Variants in MYH15 observed in about 807,000 individuals in gnomAD.
MYH15 encodes the protein myosin-15.
In MYH15, 227 loss-of-function variants were observed where a neutral mutation model predicts 240.5. The ratio of observed to expected loss-of-function variants is 0.94; its 90% CI spans 0.85 to 1.05. The LOEUF is 1.05. MYH15 is among the 50% of genes least tolerant of loss of function. The probability of loss-of-function intolerance (pLI) is 0.00; values close to 1 mark genes in which losing one functional copy is unlikely to be tolerated. For synonymous variants in MYH15, 785 were observed against 796.7 expected (o/e 0.99, Z 0.25); for missense variants, 2,217 against 2,247.5 (o/e 0.99, Z 0.27).
At chr3:108,485,256 G>C (rs1241574404) in intron 10 of MYH15, 27 bp from the exon 11 acceptor site, 1 of 1,612,748 alleles carries the variant, frequency 6.2e-7, no homozygotes, top group African/African-American at 1.3e-5. Flanking sequence ...AGATGGCCCT[G>C]TCTTCATTTG....
At chr3:108,421,008 T>C (rs1026801965) in intron 28 of MYH15, 80 bp downstream of exon 28, 2 of 1,580,612 alleles carry the variant, frequency 1.3e-6, no homozygotes, top group African/African-American at 2.7e-5. Flanking sequence ...CCTCAGTGGG[T>C]AGTTCATTAT....
At chr3:108,459,264 T>C in intron 18 of MYH15, 98 bp downstream of exon 18, 3 of 777,500 alleles carry the variant, frequency 3.9e-6, no homozygotes, top group South Asian at 1.9e-5. Flanking sequence ...TCTACCCTTA[T>C]ATAAAAGGCA....
chr3:108,473,331 C>T (rs9789948), intron 12 of MYH15, among the ~76,000 whole-genome samples: 18,167 of 152,136 alleles, frequency 0.12, 1,343 homozygotes, highest in East Asian at 0.39. Context: ...TATGTTGATC[C>T]CTCTCTTTCT....
At position 108,431,141 on chromosome 3, in the gene MYH15, C is replaced by A. The variant is rs561232491; in HGVS notation, c.3222-219G>T. On this transcript the variant is annotated intron_variant, in intron 25 of 40. Coordinates refer to ENST00000693548, the MANE Select transcript of MYH15 (RefSeq NM_014981.3). ...ATTATTATATATCAATAAAAAAACA[C>A]AACCAGGCTTTAACCAAAAGTAAAA... Among the ~76,000 whole-genome samples, 6 of 152,284 alleles carry A rather than the reference C, an allele frequency of 3.9e-5. No homozygotes were observed. In the South Asian group the frequency reaches 1.2e-3, roughly 32 times the overall value.
At chr3:108,529,643 GC>G (rs1264263494), upstream of MYH15, among the ~76,000 whole-genome samples, 3 of 152,116 alleles carry the variant, frequency 2.0e-5, no homozygotes, top group African/African-American at 7.2e-5. Context: ...AAAAGATTTA[GC>G]CCCCTACCTA....
chr3:108,513,121 C>T (rs1443862820), upstream of MYH15, among the ~76,000 whole-genome samples: 1 of 152,072 alleles, frequency 6.6e-6, no homozygotes, highest in Non-Finnish European at 1.5e-5. Flanking sequence ...AATGAAAGAG[C>T]CCGAATGCCC....
chr3:108,410,799 C>T lies in MYH15; in HGVS notation c.4279G>A (p.Val1427Ile). The T allele has an allele frequency of 6.2e-7, 1 of 1,614,144 alleles. No homozygotes were observed. The highest frequency in any genetic ancestry group is 8.5e-7 in the Non-Finnish European group (1 of 1,179,984). ...LGDALSDLGK[V>I]RSAAARLDQK... ...TCCAGCCTGGCTGCTGCAGAGCGGACCTTCCCGAGGTCAGACAGGGCGTCC... is the reference window on the plus strand; with the variant it reads ...TCCAGCCTGGCTGCTGCAGAGCGGATCTTCCCGAGGTCAGACAGGGCGTCC... Residue 1427 changes from valine (V) to isoleucine (I), a missense_variant, in exon 31 of 41, where the codon GTC becomes ATC. Transcript: ENST00000693548.
intron 21 of MYH15, among the ~76,000 whole-genome samples, chr3:108,445,823 G>A (rs72939882): frequency 0.14 from 20,232 of 142,136 alleles, 1,812 homozygotes; most frequent in East Asian, 0.47. Context: ...GAACCACTAT[G>A]ACAAAAGGAC....
intron 21 of MYH15, among the ~76,000 whole-genome samples, chr3:108,448,158 G>A (rs2082943709): frequency 6.6e-6 from 1 of 151,952 alleles, no homozygotes; most frequent in Admixed American, 6.6e-5. Context: ...GGAATACCTA[G>A]CATTACAAAA....
At chr3:108,493,745 A>AG (rs557658200) in intron 7 of MYH15, among the ~76,000 whole-genome samples, 5 of 152,174 alleles carry the variant, frequency 3.3e-5, no homozygotes, top group Admixed American at 6.5e-5. Context: ...AGTCAGAGAA[A>AG]GGGGGGGCAT....
At chr3:108,482,082 T>C (rs898108657) in intron 11 of MYH15, among the ~76,000 whole-genome samples, 9 of 152,076 alleles carry the variant, frequency 5.9e-5, no homozygotes, top group Admixed American at 1.3e-4. Context: ...GCAGTGGGCA[T>C]GGCCATGGTG....
rs201981854 is a variant in MYH15 at position 108,495,784 on chromosome 3, C to T, written c.707G>A (p.Arg236His). ...ATGCTAAATCATGTTACTTACAAAACGAGAGGAGTTGTCATTTCTCAGGGT... is the reference window on the plus strand; with the variant it reads ...ATGCTAAATCATGTTACTTACAAAATGAGAGGAGTTGTCATTTCTCAGGGT... ...AKTLRNDNSSRFGKFIRMHFG... is the reference protein window; with the variant it reads ...AKTLRNDNSSHFGKFIRMHFG... Residue 236 changes from arginine to histidine, a missense_variant, in exon 7 of 41, where the codon CGT becomes CAT. Physicochemically the swap from Arg to His is conservative, Grantham distance 29 (BLOSUM62 0). Coordinates refer to ENST00000693548, the MANE Select transcript of MYH15 (RefSeq NM_014981.3). 78 of 1,607,674 alleles carry T rather than the reference C, an allele frequency of 4.9e-5. No individual in the cohort carries two copies. The highest frequency in any genetic ancestry group is 3.5e-4 in the African/African-American group (26 of 74,882).
upstream of MYH15, among the ~76,000 whole-genome samples, chr3:108,512,345 A>T (rs1424241035): frequency 6.6e-6 from 1 of 152,160 alleles, no homozygotes; most frequent in African/African-American, 2.4e-5. Flanking sequence ...GGAAAGCAGT[A>T]TTTTGGGAAA....
the MYH15 span, chr3:108,549,804 ATTGATTTTCCCTAGAATT>A: frequency 6.6e-6 from 1 of 151,928 alleles, no homozygotes; most frequent in African/African-American, 2.4e-5. Context: ...GGAAAGATAA[ATTGATTTTCCCTAGAATT>A]TTTGGTTCAT....
chr3:108,403,719 T>C (rs2082525858), intron 33 of MYH15, among the ~76,000 whole-genome samples: 1 of 152,204 alleles, frequency 6.6e-6, no homozygotes, highest in South Asian at 2.1e-4. Context: ...CTAAAATTTA[T>C]GAATAGCTCA....
chr3:108,518,076 A>G (rs2083588386), intron 1 of MYH15, among the ~76,000 whole-genome samples: 1 of 152,190 alleles, frequency 6.6e-6, no homozygotes. Context: ...GTGCCAATAT[A>G]CTATTTAATA....
Position 108,444,639 on chromosome 3 carries a change from C to A in MYH15, c.2655+1G>T. 2 of 1,613,756 alleles carry A rather than the reference C, an allele frequency of 1.2e-6. No homozygotes were observed. Among genetic ancestry groups the A allele is most frequent in the Non-Finnish European group, 1.7e-6 (2 of 1,179,842 alleles). On this transcript the variant is annotated splice_donor_variant, in intron 22 of 40. Transcript: ENST00000693548. LOFTEE classifies it high-confidence loss of function. Reference sequence around the variant, plus strand: ...AAAGAACAAATGGTGGGGCTACTCACAGCCTGAAGCTGAAGAATCAGGTCA... The same window carrying A: ...AAAGAACAAATGGTGGGGCTACTCAAAGCCTGAAGCTGAAGAATCAGGTCA...
intron 21 of MYH15, among the ~76,000 whole-genome samples, chr3:108,450,778 A>G (rs909690389): frequency 6.6e-6 from 1 of 152,224 alleles, no homozygotes; most frequent in Non-Finnish European, 1.5e-5. Context: ...CAATACCTAC[A>G]TATATCAAAA....
At chr3:108,459,542 A>G (rs1203087838) in intron 17 of MYH15, 93 bp from the exon 18 acceptor site, 6 of 679,792 alleles carry the variant, frequency 8.8e-6, no homozygotes, top group Non-Finnish European at 1.5e-5. Context: ...TATCAACTTA[A>G]TCTCACAGCC....
Sources: gnomAD v4.1 joint callset for allele counts (sites outside exome capture counted in the v4.1 genomes callset) on GRCh38, gnomAD v4.1.1 for gene constraint, MANE v1.5 for transcripts, NCBI Gene and HGNC (gene_info 2026-07-23, HGNC 2026-07-21) for gene names.